CCDC150: variants seen among roughly 807,000 people sequenced by gnomAD.
The protein encoded by CCDC150 is coiled-coil domain containing 150.
In CCDC150, 151 loss-of-function variants were observed where a neutral mutation model predicts 156.5. That is an observed-to-expected ratio of 0.97 (90% confidence interval 0.85 to 1.10). The LOEUF (loss-of-function observed/expected upper bound fraction) is 1.10. CCDC150 is among the 50% of genes least tolerant of loss of function. The pLI is 0.00. For synonymous variants in CCDC150, 452 were observed against 429.4 expected (o/e 1.05, Z -0.65); for missense variants, 1,312 against 1,268.1 (o/e 1.03, Z -0.53).
chr2:196,653,346 A>G (rs1692991085), intron 2 of CCDC150, among the ~76,000 whole-genome samples: 1 of 152,192 alleles, frequency 6.6e-6, no homozygotes, highest in Non-Finnish European at 1.5e-5. Flanking sequence ...TAGACTGTTA[A>G]GAGCAGCTAC....
chr2:196,726,367 T>A, intron 22 of CCDC150: 1 of 291,478 alleles, frequency 3.4e-6, no homozygotes, highest in Non-Finnish European at 6.7e-6. Flanking sequence ...AGACTGCCAT[T>A]TGATAGACAG....
chr2:196,726,144 G>A (rs371481786), intron 22 of CCDC150, 45 bp downstream of exon 22: 2 of 1,603,620 alleles, frequency 1.2e-6, no homozygotes, highest in African/African-American at 1.3e-5. Context: ...TGCCTCTTAG[G>A]ATAAGCAGCT....
intron 6 of CCDC150, 86 bp from the exon 7 acceptor site, chr2:196,666,633 G>T: frequency 9.1e-7 from 1 of 1,101,850 alleles, no homozygotes. Context: ...CATTAAGGTT[G>T]GAATGTTGCC....
At chr2:196,692,512 C>T (rs758759837) in intron 13 of CCDC150, among the ~76,000 whole-genome samples, 1 of 152,192 alleles carries the variant, frequency 6.6e-6, no homozygotes. Flanking sequence ...CCCAGAGATT[C>T]AGGTATGTTA....
intron 13 of CCDC150, among the ~76,000 whole-genome samples, chr2:196,692,155 T>C (rs1284314898): frequency 5.5e-5 from 7 of 126,762 alleles, no homozygotes; most frequent in African/African-American, 2.1e-4. Flanking sequence ...TGAGACGGAG[T>C]CTCGCTCTGT....
chr2:196,708,263 G>A (rs1249733870), intron 15 of CCDC150, among the ~76,000 whole-genome samples: 2 of 152,040 alleles, frequency 1.3e-5, no homozygotes, highest in South Asian at 4.1e-4. Flanking sequence ...TTATGTAATG[G>A]CCTTCTTTGT....
Position 196,729,509 on chromosome 2 carries a change from C to T in CCDC150, c.2751+122C>T, listed in dbSNP as rs1698412481. On this transcript the variant is annotated intron_variant, in intron 23 of 27. Transcript: ENST00000389175. ...CCCATGTATTCTCTGGGAATTATAG[C>T]CAGTTGTCTTTGGGGAGACTTTTTC... The T allele has an allele frequency of 6.3e-6, 6 of 949,696 alleles. No homozygotes were observed. In the South Asian group the frequency reaches 9.6e-5, roughly 15 times the overall value. 58.8% of individuals were successfully genotyped at this position (949,696 alleles called of 1,614,324 possible). A position where few individuals can be genotyped will look rare whatever the true frequency, so the allele number is the denominator to read the frequency against.
intron 6 of CCDC150, among the ~76,000 whole-genome samples, chr2:196,666,176 A>C (rs574826895): frequency 6.6e-6 from 1 of 152,356 alleles, no homozygotes; most frequent in African/African-American, 2.4e-5. Flanking sequence ...ATTTATTTTA[A>C]CATGATATTT....
At chr2:196,713,385 A>G (rs1559267508) in intron 17 of CCDC150, 2 of 1,513,122 alleles carry the variant, frequency 1.3e-6, no homozygotes, top group East Asian at 2.5e-5. Context: ...AAATCCCCAG[A>G]GAGGACTGCA....
intron 10 of CCDC150, among the ~76,000 whole-genome samples, chr2:196,674,695 G>A (rs975489228): frequency 6.6e-6 from 1 of 152,068 alleles, no homozygotes; most frequent in African/African-American, 2.4e-5. Context: ...TTTCTCTGCT[G>A]AGAATGCTTT....
At chr2:196,710,560 C>T (rs187147471) in intron 15 of CCDC150, among the ~76,000 whole-genome samples, 3 of 152,300 alleles carry the variant, frequency 2.0e-5, no homozygotes, top group Admixed American at 1.3e-4. Context: ...TGTGAAAATG[C>T]AGAAATCACC....
chr2:196,726,402 T>A, intron 22 of CCDC150: 1 of 244,876 alleles, frequency 4.1e-6, no homozygotes, highest in Non-Finnish European at 8.3e-6. Context: ...GTCTTCTCAG[T>A]TCATTTAACT....
At chr2:196,652,958 G>C (rs1478004215) in intron 2 of CCDC150, among the ~76,000 whole-genome samples, 1 of 152,214 alleles carries the variant, frequency 6.6e-6, no homozygotes, top group Non-Finnish European at 1.5e-5. Context: ...GGCCCTTTGA[G>C]CCATGGTGAG....
intron 13 of CCDC150, among the ~76,000 whole-genome samples, chr2:196,693,430 G>A (rs1230240992): frequency 6.6e-6 from 1 of 152,070 alleles, no homozygotes; most frequent in South Asian, 2.1e-4. Context: ...GTTTTAAATG[G>A]CATTTTAATG....
At chr2:196,644,931 A>G (rs1455486268) in intron 1 of CCDC150, among the ~76,000 whole-genome samples, 3 of 149,718 alleles carry the variant, frequency 2.0e-5, no homozygotes, top group Non-Finnish European at 4.4e-5. Flanking sequence ...CCTGGCCAAC[A>G]TGGTGAAACC....
chr2:196,674,219 C>T (rs1461361165), intron 9 of CCDC150, 22 bp from the exon 10 acceptor site: 23 of 1,406,418 alleles, frequency 1.6e-5, no homozygotes, highest in Non-Finnish European at 2.3e-5. Flanking sequence ...AGACCAATGA[C>T]TTGCTGTGTG....
At chr2:196,676,809 CAAGAA>C (rs1694533128) in intron 12 of CCDC150, 78 bp downstream of exon 12, 1 of 1,295,842 alleles carries the variant, frequency 7.7e-7, no homozygotes, top group African/African-American at 1.5e-5. Context: ...ATGCAAAAGA[CAAGAA>C]AAGAAATAAA....
intron 22 of CCDC150, among the ~76,000 whole-genome samples, chr2:196,728,895 A>G (rs1171937857): frequency 6.6e-6 from 1 of 152,246 alleles, no homozygotes; most frequent in Non-Finnish European, 1.5e-5. Context: ...TCAGCTAGTA[A>G]GTACTGAAGC....
intron 7 of CCDC150, among the ~76,000 whole-genome samples, chr2:196,668,171 G>A (rs533056642): frequency 1.6e-4 from 24 of 152,006 alleles, no homozygotes; most frequent in South Asian, 2.1e-4. Flanking sequence ...GGTGGCACGC[G>A]CCTGTAGTCC....
Sources: allele counts gnomAD v4.1 joint callset (sites outside exome capture counted in the v4.1 genomes callset), GRCh38; gene constraint gnomAD v4.1.1; transcripts MANE v1.5; gene names NCBI Gene and HGNC (gene_info 2026-07-23, HGNC 2026-07-21).